DOCK7: variants seen among roughly 807,000 people sequenced by gnomAD.
DOCK7 encodes the protein dedicator of cytokinesis protein 7.
Under a neutral mutation model 271.0 loss-of-function variants are expected in DOCK7, and 138 were observed. The ratio of observed to expected loss-of-function variants is 0.51; its 90% CI spans 0.44 to 0.59. The LOEUF (loss-of-function observed/expected upper bound fraction) is 0.59. Among genes scored for constraint, DOCK7 ranks in the 20% least tolerant of loss-of-function variants. The pLI is 0.00. For missense variants in DOCK7, 2,066 were observed against 2,592.4 expected (o/e 0.80, Z 4.41); for synonymous variants, 823 against 876.1 (o/e 0.94, Z 1.07).
rs149856902 is a variant in DOCK7, at chr1:62,566,170, A to G, written c.2113-4467T>C. On this transcript the variant is annotated intron_variant, in intron 18 of 49. Transcript: ENST00000635253. Reference sequence around the variant, plus strand: ...TCAATGCCATCCCCATCAAGCTACCATTGACTTTCTTCAGAGAACTGGAAA... The same window carrying G: ...TCAATGCCATCCCCATCAAGCTACCGTTGACTTTCTTCAGAGAACTGGAAA... Among the ~76,000 whole-genome samples the G allele has an allele frequency of 1.6e-3, 242 of 152,296 alleles. 4 individuals carry two copies. The highest frequency in any genetic ancestry group is 5.4e-3 in the African/African-American group (223 of 41,574).
intron 14 of DOCK7, among the ~76,000 whole-genome samples, chr1:62,591,871 A>C (rs1571678603): frequency 6.6e-6 from 1 of 152,332 alleles, no homozygotes. Context: ...CCTCTAATAC[A>C]GCCAAAATAC....
At chr1:62,522,539 C>T (rs1644881757) in intron 31 of DOCK7, among the ~76,000 whole-genome samples, 1 of 151,848 alleles carries the variant, frequency 6.6e-6, no homozygotes, top group Non-Finnish European at 1.5e-5. Flanking sequence ...AAAGAGACTT[C>T]CACAATAAAG....
chr1:62,683,749 A>C (rs1400857952), intron 1 of DOCK7, among the ~76,000 whole-genome samples: 1 of 152,092 alleles, frequency 6.6e-6, no homozygotes, highest in East Asian at 1.9e-4. Context: ...AGCCTGGGCA[A>C]CATGGCGAAA....
At chr1:62,667,879 A>C (rs1304097398) in intron 1 of DOCK7, among the ~76,000 whole-genome samples, 2 of 151,382 alleles carry the variant, frequency 1.3e-5, no homozygotes, top group African/African-American at 4.9e-5. Flanking sequence ...AATTAGCCAG[A>C]CGTGGTGGCA....
chr1:62,646,175 A>C (rs570384140), intron 7 of DOCK7, among the ~76,000 whole-genome samples: 95 of 152,066 alleles, frequency 6.2e-4, no homozygotes, highest in African/African-American at 2.0e-3. Flanking sequence ...AAAACAAAAA[A>C]AAAACCCACT....
At chr1:62,470,304 G>GT (rs1394313522) in intron 48 of DOCK7, among the ~76,000 whole-genome samples, 17 of 152,296 alleles carry the variant, frequency 1.1e-4, no homozygotes, top group African/African-American at 4.1e-4. Context: ...TCTAAGTGAA[G>GT]TAACTCAGGA....
intron 48 of DOCK7, among the ~76,000 whole-genome samples, chr1:62,472,576 A>C (rs1211718559): frequency 1.3e-5 from 2 of 152,192 alleles, no homozygotes; most frequent in African/African-American, 4.8e-5. Flanking sequence ...GCAAGAAACA[A>C]AGCACTTGAT....
chr1:62,590,451 A>G (rs146729984), intron 14 of DOCK7, among the ~76,000 whole-genome samples: 16 of 152,336 alleles, frequency 1.1e-4, no homozygotes, highest in Non-Finnish European at 1.8e-4. Flanking sequence ...GTAATATATT[A>G]ACCTGAAGTA....
chr1:62,647,556 T>C (rs1656821974), intron 7 of DOCK7, 135 bp downstream of exon 7: 1 of 651,304 alleles, frequency 1.5e-6, no homozygotes, highest in Non-Finnish European at 2.7e-6. Flanking sequence ...TGAATAGTAT[T>C]TAAAATGACA....
At chr1:62,577,156 AAACTTT>A (rs1557745424) in intron 18 of DOCK7, 100 bp downstream of exon 18, 1 of 583,168 alleles carries the variant, frequency 1.7e-6, no homozygotes, top group African/African-American at 1.9e-5. Context: ...CATTATCTAT[AAACTTT>A]AAGTAGAAGA....
At position 62,529,423 on chromosome 1, in the gene DOCK7, ACTT is replaced by A; in HGVS notation, c.3632_3634del (p.Lys1211_Val1212delinsIle). 1 of 1,611,172 alleles carries A rather than the reference ACTT, an allele frequency of 6.2e-7. No homozygotes were observed. The highest frequency in any genetic ancestry group is 2.2e-5 in the East Asian group (1 of 44,768). On this transcript the variant is annotated inframe_deletion, in exon 30 of 50. Transcript: ENST00000635253. Reference sequence around the variant, plus strand: ...GAGTAAATTGTGTACCATATTGATGACTTTCTTATGCAATCCAAACAGTCTATT... The same window carrying A: ...GAGTAAATTGTGTACCATATTGATGATCTTATGCAATCCAAACAGTCTATT...
chr1:62,477,833 T>C lies in DOCK7; in HGVS notation c.5509-8A>G, dbSNP rs1440509726. 3.1e-6 allele frequency: 5 copies of C among 1,593,534 alleles called. No homozygotes were observed. In the East Asian group the frequency reaches 9.0e-5, roughly 29 times the overall value. ...ATAGGTGCCAAACATCCGCTTACCATCCTAGGTTTAGGAAAATGGAGAAAC... is the reference window on the plus strand; with the variant it reads ...ATAGGTGCCAAACATCCGCTTACCACCCTAGGTTTAGGAAAATGGAGAAAC... On this transcript the variant is annotated splice_region_variant and splice_polypyrimidine_tract_variant and intron_variant, in intron 43 of 49. Transcript: ENST00000635253.
At chr1:62,634,743 A>T (rs754310230) in intron 9 of DOCK7, 30 bp downstream of exon 9, 1 of 1,591,080 alleles carries the variant, frequency 6.3e-7, no homozygotes, top group Non-Finnish European at 8.6e-7. Flanking sequence ...ACACTACAAA[A>T]TAAACAAATA....
At chr1:62,506,896 G>A (rs2149325649) in intron 35 of DOCK7, among the ~76,000 whole-genome samples, 1 of 151,372 alleles carries the variant, frequency 6.6e-6, no homozygotes, top group African/African-American at 2.4e-5. Context: ...GTGGTGAGCT[G>A]AGATTGCGCC....
rs994930677 is a variant in DOCK7, at chr1:62,479,019, G to C, written c.5509-1194C>G. ...TGTCACCTCAGCCTCCTGAGTAGCT[G>C]GGATTACAGGTGTGTGCCACCTTGC... On this transcript the variant is annotated intron_variant, in intron 43 of 49. Transcript: ENST00000635253. 2.0e-5 allele frequency: 3 copies of C among 151,974 alleles called. No individual in the cohort carries two copies. The South Asian group carries it at 6.2e-4, about 32-fold the overall frequency. 9.4% of individuals were successfully genotyped at this position (151,974 alleles called of 1,614,324 possible). A position where few individuals can be genotyped will look rare whatever the true frequency, so the allele number is the denominator to read the frequency against.
chr1:62,460,190 G>T lies in DOCK7; in HGVS notation c.6213-2485C>A, dbSNP rs181369102. 3.1e-3 allele frequency among the ~76,000 whole-genome samples: 463 copies of T among 150,972 alleles called. 1 individual carries two copies. The highest frequency in any genetic ancestry group is 5.1e-3 in the Non-Finnish European group (343 of 67,820). ...TTCCCAACTCATATTTCAAGGCTGGGATACCAAAACCTAATGGAGACTATA... is the reference window on the plus strand; with the variant it reads ...TTCCCAACTCATATTTCAAGGCTGGTATACCAAAACCTAATGGAGACTATA... On this transcript the variant is annotated intron_variant, in intron 48 of 49. Transcript: ENST00000635253.
chr1:62,596,790 G>T (rs1029751167), intron 14 of DOCK7, among the ~76,000 whole-genome samples: 1 of 152,124 alleles, frequency 6.6e-6, no homozygotes, highest in Admixed American at 6.6e-5. Context: ...TTTGGTCCTA[G>T]ATGACCACAT....
chr1:62,610,999 TG>T (rs1444667785), intron 14 of DOCK7, among the ~76,000 whole-genome samples: 7 of 152,214 alleles, frequency 4.6e-5, no homozygotes, highest in Non-Finnish European at 1.0e-4. Flanking sequence ...CTGGGTCAAA[TG>T]GTATTTCTAG....
At chr1:62,468,016 C>G (rs960500466) in intron 48 of DOCK7, among the ~76,000 whole-genome samples, 18 of 152,138 alleles carry the variant, frequency 1.2e-4, no homozygotes, top group African/African-American at 4.1e-4. Flanking sequence ...ACATGATTAT[C>G]TCCACAGATG....
Sources: gnomAD v4.1 joint callset for allele counts (sites outside exome capture counted in the v4.1 genomes callset) on GRCh38, gnomAD v4.1.1 for gene constraint, MANE v1.5 for transcripts, NCBI Gene and HGNC (gene_info 2026-07-23, HGNC 2026-07-21) for gene names.